SLC38A10: variants seen among roughly 807,000 people sequenced by gnomAD.
SLC38A10 encodes solute carrier family 38 member 10, also known as Sodium-coupled neutral amino acid transporter 10.
Under a neutral mutation model 81.0 loss-of-function variants are expected in SLC38A10, and 53 were observed. The ratio of observed to expected loss-of-function variants is 0.65; its 90% confidence interval spans 0.53 to 0.82. The LOEUF (loss-of-function observed/expected upper bound fraction) is 0.82, where lower values mean the gene tolerates loss of function less well. SLC38A10 is among the 40% of genes least tolerant of loss of function. The pLI, the probability that SLC38A10 is intolerant of heterozygous loss-of-function variation, is 0.00. For missense variants in SLC38A10, 1,471 were observed against 1,545.0 expected, an observed-to-expected ratio of 0.95 and a Z score of 0.80; for synonymous variants, 665 against 655.3, an observed-to-expected ratio of 1.01 and a Z score of -0.23.
At chr17:81,273,406 T>G (rs141397598) in intron 8 of SLC38A10, among the ~76,000 whole-genome samples, 52 of 152,208 alleles carry the variant, frequency 3.4e-4, no homozygotes, top group Middle Eastern at 3.4e-3. Context: ...GCAAGTGACT[T>G]CTCGGTGCCT....
rs769069671 is a variant in SLC38A10 at position 81,251,475 on chromosome 17, G to A, written c.2065+18C>T. 4 of 1,605,066 alleles carry A rather than the reference G, an allele frequency of 2.5e-6. No homozygotes were observed. The South Asian group carries it at 4.4e-5, about 18-fold the overall frequency. The stretch of plus-strand genomic sequence containing the variant: ...CTCCCTGGGCCTGAGGCAGGCGGCT[G>A]TAGGGCGGAGGCCTTACCCTCCAGC... On this transcript the variant is annotated intron_variant, in intron 14 of 15. Transcript: ENST00000374759.
chr17:81,293,736 C>T (rs1055600651), intron 1 of SLC38A10, among the ~76,000 whole-genome samples: 1 of 152,068 alleles, frequency 6.6e-6, no homozygotes, highest in Non-Finnish European at 1.5e-5. Context: ...ATATGAAAAA[C>T]ACAGTGTTTG....
At chr17:81,263,892 G>A (rs540596802) in intron 10 of SLC38A10, 183 of 152,678 alleles carry the variant, frequency 1.2e-3, no homozygotes, top group Middle Eastern at 6.8e-3. Flanking sequence ...GCGGGAACAC[G>A]GACCCAGCAG....
chr17:81,285,046 C>G (rs2063251129), intron 2 of SLC38A10, 151 bp from the exon 3 acceptor site: 1 of 567,894 alleles, frequency 1.8e-6, no homozygotes, highest in African/African-American at 2.0e-5. Context: ...TTCTGGCTGC[C>G]AGGTTATTTT....
Position 81,281,868 on chromosome 17 carries a change from A to T in SLC38A10, c.501+321T>A, listed in dbSNP as rs1314925552. ...CTTGGTCACAAACCCTACATAAGACATCTTTGCATAAAGCAAGTGGACTTG... is the reference window on the plus strand; with the variant it reads ...CTTGGTCACAAACCCTACATAAGACTTCTTTGCATAAAGCAAGTGGACTTG... On this transcript the variant is annotated intron_variant, in intron 5 of 15. Coordinates refer to ENST00000374759, the MANE Select transcript of SLC38A10 (RefSeq NM_001037984.3). This position sits in a 1 kb window ranked among gnomAD's most constrained non-coding sequence, Gnocchi z 5.3. Among the ~76,000 whole-genome samples, 3 of 152,214 alleles carry T rather than the reference A, an allele frequency of 2.0e-5. No homozygotes were observed. The highest frequency in any genetic ancestry group is 2.0e-4 in the Admixed American group (3 of 15,288).
chr17:81,260,315 T>A lies in SLC38A10; in HGVS notation c.1211A>T (p.Asp404Val). ...TLSVSEEVPE[D>V]LAEEAPGGRL... Reference sequence around the variant, plus strand: ...GCCGCCAGGGGCTTCCTCTGCCAAGTCCTCGGGGACCTCCTCGCTCACAGA... The same window carrying A: ...GCCGCCAGGGGCTTCCTCTGCCAAGACCTCGGGGACCTCCTCGCTCACAGA... The change falls in exon 11 of 16, where the codon GAC becomes GTC. Residue 404 changes from aspartate (D) to valine (V), a missense_variant. This residue lies in a region of SLC38A10 where 720 missense variants were observed against 827.7 expected (regional missense o/e 0.87). Transcript: ENST00000374759. The A allele has an allele frequency of 1.2e-6, 2 of 1,608,396 alleles. No homozygotes were observed. The highest frequency in any genetic ancestry group is 1.7e-6 in the Non-Finnish European group (2 of 1,178,104).
intron 9 of SLC38A10, among the ~76,000 whole-genome samples, chr17:81,271,988 A>G (rs1338879044): frequency 1.3e-5 from 2 of 151,324 alleles, no homozygotes; most frequent in Non-Finnish European, 2.9e-5. Context: ...CGGCCTCCCA[A>G]ACTGCGGGGA....
At chr17:81,271,191 C>T (rs1054046353) in intron 9 of SLC38A10, among the ~76,000 whole-genome samples, 167 bp from the exon 10 acceptor site, 7 of 152,234 alleles carry the variant, frequency 4.6e-5, no homozygotes, top group Non-Finnish European at 7.3e-5. Flanking sequence ...GCCTGACAAC[C>T]GCGGCTGATT....
chr17:81,289,875 C>G lies in SLC38A10; in HGVS notation c.100-67G>C. The G allele has an allele frequency of 7.5e-7, 1 of 1,338,624 alleles. No individual in the cohort carries two copies. The highest frequency in any genetic ancestry group is 1.0e-6 in the Non-Finnish European group (1 of 985,028). 82.9% of individuals were successfully genotyped at this position (1,338,624 alleles called of 1,614,324 possible). A position where few individuals can be genotyped will look rare whatever the true frequency, so the allele number is the denominator to read the frequency against. On this transcript the variant is annotated intron_variant, in intron 1 of 15. Coordinates refer to ENST00000374759, the MANE Select transcript of SLC38A10 (RefSeq NM_001037984.3). This position sits in a 1 kb window ranked among gnomAD's most constrained non-coding sequence, Gnocchi z 5.9. ...GCTCCCCAGAGGCCCTCACCCCACA[C>G]ACGCGGCTCATGAGGACCCTCTTCA...
chr17:81,266,149 C>T (rs532004225), intron 10 of SLC38A10, among the ~76,000 whole-genome samples: 5 of 152,302 alleles, frequency 3.3e-5, no homozygotes, highest in Admixed American at 6.5e-5. Flanking sequence ...AGGTGTGTGA[C>T]GCCACACACG....
intron 10 of SLC38A10, among the ~76,000 whole-genome samples, chr17:81,261,304 G>A (rs914079236): frequency 9.2e-5 from 14 of 152,188 alleles, no homozygotes; most frequent in Non-Finnish European, 1.9e-4. Context: ...AGTCATTCAC[G>A]GGGCCACGGC....
In SLC38A10 at chr17:81,276,156, TGGAGAATAA is replaced by T; in HGVS notation, c.730-14_730-6del. On this transcript the variant is annotated splice_polypyrimidine_tract_variant and splice_region_variant and intron_variant, in intron 7 of 15. Transcript: ENST00000374759. This position sits in a 1 kb window ranked among gnomAD's most constrained non-coding sequence, Gnocchi z 4.7. The stretch of plus-strand genomic sequence containing the variant: ...GACGTAGCCGAAAAACCCCACCTGT[TGGAGAATAA>T]GAAATGGCAACGTGGCAGACAGACA... 1 of 1,606,464 alleles carries T rather than the reference TGGAGAATAA, an allele frequency of 6.2e-7. No individual in the cohort carries two copies. Among genetic ancestry groups the T allele is most frequent in the South Asian group, 1.1e-5 (1 of 90,566 alleles).
rs867051364 is a variant in SLC38A10, at chr17:81,245,610, C to G, written c.3306G>C (p.Gln1102His). 1 of 1,612,206 alleles carries G rather than the reference C, an allele frequency of 6.2e-7. No homozygotes were observed. Among genetic ancestry groups the G allele is most frequent in the South Asian group, 1.1e-5 (1 of 91,028 alleles). The change falls in exon 16 of 16, where the codon CAG becomes CAC. Residue 1102 changes from glutamine to histidine, a missense_variant. Around this residue, in one of 2 missense-constraint regions of SLC38A10, gnomAD observed 751 missense variants for 717.4 expected, o/e 1.05. Coordinates refer to ENST00000374759, the MANE Select transcript of SLC38A10 (RefSeq NM_001037984.3). ...QLRQAAGGAL[Q>H]VVHSRQLRQA... Reference sequence around the variant, plus strand: ...GTCTAAGCTGCCGGCTGTGGACCACCTGCAGAGCTCCCCCCGCAGCCTGGC... The same window carrying G: ...GTCTAAGCTGCCGGCTGTGGACCACGTGCAGAGCTCCCCCCGCAGCCTGGC...
At chr17:81,284,029 C>T (rs1872768973) in intron 3 of SLC38A10, among the ~76,000 whole-genome samples, 1 of 152,034 alleles carries the variant, frequency 6.6e-6, no homozygotes, top group South Asian at 2.1e-4. Flanking sequence ...TGGTATTATA[C>T]TCGCCCCTCT....
chr17:81,283,617 CTTTTT>C lies in SLC38A10; in HGVS notation c.264-120_264-116del. 1 of 517,514 alleles carries C rather than the reference CTTTTT, an allele frequency of 1.9e-6. No individual in the cohort carries two copies. Among genetic ancestry groups the C allele is most frequent in the Non-Finnish European group, 3.3e-6 (1 of 301,188 alleles). 32.1% of individuals were successfully genotyped at this position (517,514 alleles called of 1,614,324 possible). The stretch of plus-strand genomic sequence containing the variant: ...GAATGACAGATGTGATTTCTTTTTT[CTTTTT>C]TTTTTTTTTGAAACAGAGTCTCACT... On this transcript the variant is annotated intron_variant, in intron 3 of 15. Coordinates refer to ENST00000374759, the MANE Select transcript of SLC38A10 (RefSeq NM_001037984.3). The surrounding 1 kb of genome is among the most constrained non-coding windows in gnomAD (Gnocchi z 4.7).
rs2063213642 is a variant in SLC38A10 at position 81,281,723 on chromosome 17, C to A, written c.501+466G>T. 6.6e-6 allele frequency among the ~76,000 whole-genome samples: 1 copy of A among 152,090 alleles called. No individual in the cohort carries two copies. Among genetic ancestry groups the A allele is most frequent in the South Asian group, 2.1e-4 (1 of 4,828 alleles). On this transcript the variant is annotated intron_variant, in intron 5 of 15. Transcript: ENST00000374759. This position sits in a 1 kb window ranked among gnomAD's most constrained non-coding sequence, Gnocchi z 5.3. The stretch of plus-strand genomic sequence containing the variant: ...CCCAGGAGATGGAGGTTGCAGTGAG[C>A]CGAGATTGCGCCACTGCACTCCAGC...
intron 13 of SLC38A10, chr17:81,251,928 C>T: frequency 3.6e-6 from 2 of 548,544 alleles, no homozygotes; most frequent in Non-Finnish European, 6.0e-6. Context: ...CGCCGCCCCC[C>T]GTGTGCGCCC....
In SLC38A10 at chr17:81,265,997, G is replaced by A. The variant is rs1161249079; in HGVS notation, c.1131+4921C>T. On this transcript the variant is annotated intron_variant, in intron 10 of 15. Coordinates refer to ENST00000374759, the MANE Select transcript of SLC38A10 (RefSeq NM_001037984.3). This position sits in a 1 kb window ranked among gnomAD's most constrained non-coding sequence, Gnocchi z 4.2. ...CATGGCAAAGCAGGCACAGAGAGAT[G>A]CTTCTTTCACCCAATTCTGTGTGTG... Among the ~76,000 whole-genome samples, 1 of 152,216 alleles carries A rather than the reference G, an allele frequency of 6.6e-6. No homozygotes were observed. The highest frequency in any genetic ancestry group is 1.5e-5 in the Non-Finnish European group (1 of 68,044).
chr17:81,245,282 A>AG lies in SLC38A10; in HGVS notation c.*273dup. The AG allele has an allele frequency of 2.5e-6, 1 of 397,706 alleles. No individual in the cohort carries two copies. 24.6% of individuals were successfully genotyped at this position (397,706 alleles called of 1,614,324 possible). On this transcript the variant is annotated 3_prime_UTR_variant, in exon 16 of 16. Transcript: ENST00000374759. ...GAGTGCACCAGCCAGCTCGCAGCGG[A>AG]GGCCGTTTCTCCTCACAGGCTGGAG...
Sources: allele counts gnomAD v4.1 joint callset (sites outside exome capture counted in the v4.1 genomes callset), GRCh38; gene constraint gnomAD v4.1.1; regional missense constraint gnomAD v4.1.1; non-coding constraint Gnocchi (gnomAD v3.1); transcripts MANE v1.5; gene names NCBI Gene and HGNC (gene_info 2026-07-23, HGNC 2026-07-21).